The following TRRAP variants were observed in gnomAD, a reference collection of about 807,000 sequenced individuals.
The protein encoded by TRRAP is transformation/transcription domain associated protein.
In TRRAP, 41 loss-of-function variants were observed where a neutral mutation model predicts 438.8. The ratio of observed to expected loss-of-function variants is 0.09; its 90% CI spans 0.07 to 0.12. The LOEUF is 0.12. Ranked by LOEUF, TRRAP falls within the 10% of genes least tolerant of loss-of-function variation. The pLI, the probability that TRRAP is intolerant of heterozygous loss-of-function variation, is 1.00. For synonymous variants in TRRAP, 1,994 were observed against 1,962.9 expected (o/e 1.02, Z -0.42); for missense variants, 3,122 against 5,055.1 (o/e 0.62, Z 11.60).
chr7:98,929,359 CTTAT>C (rs1417725570), intron 23 of TRRAP, among the ~76,000 whole-genome samples: 1 of 152,120 alleles, frequency 6.6e-6, no homozygotes, highest in African/African-American at 2.4e-5. Context: ...AAGTACTGGG[CTTAT>C]TTAATTGTAA....
chr7:98,913,952 C>G (rs1244902389), intron 18 of TRRAP, among the ~76,000 whole-genome samples: 2 of 152,170 alleles, frequency 1.3e-5, no homozygotes, highest in Non-Finnish European at 2.9e-5. Context: ...TTGGGAAAAT[C>G]TGAAGATGTA....
chr7:99,005,392 A>G lies in TRRAP; in HGVS notation c.10753+44A>G, dbSNP rs1030643869. On this transcript the variant is annotated intron_variant, in intron 69 of 72. Transcript: ENST00000456197. The surrounding 1 kb of genome is among the most constrained non-coding windows in gnomAD (Gnocchi z 5.1). The stretch of plus-strand genomic sequence containing the variant: ...GCTCGCTGGGTACACAGGCAGCTTC[A>G]CAGGTGGGGATGAGAGCCACACCTC... 2 of 1,593,520 alleles carry G rather than the reference A, an allele frequency of 1.3e-6. No individual in the cohort carries two copies. Among genetic ancestry groups the G allele is most frequent in the African/African-American group, 2.7e-5 (2 of 74,490 alleles).
Position 98,930,014 on chromosome 7 carries a change from G to T in TRRAP, c.3201G>T (p.Gln1067His). The part of the protein sequence containing the change: ...QCGPFLLPCY[Q>H]VGSQPSTAMF... ...GCCCTTTCTTGCTGCCTTGCTACCA[G>T]GTGGGCAGCCAGCCCAGCACAGCCA... Residue 1067 changes from glutamine to histidine, a missense_variant, in exon 24 of 73, where the codon CAG becomes CAT. Around this residue, in one of 24 missense-constraint regions of TRRAP, gnomAD observed 54 missense variants for 74.6 expected, o/e 0.72. Coordinates refer to ENST00000456197, the MANE Select transcript of TRRAP (RefSeq NM_001375524.1). 6.2e-7 allele frequency: 1 copy of T among 1,614,174 alleles called. No homozygotes were observed. Among genetic ancestry groups the T allele is most frequent in the Non-Finnish European group, 8.5e-7 (1 of 1,180,038 alleles).
intron 53 of TRRAP, 194 bp from the exon 54 acceptor site, chr7:98,975,955 A>C: frequency 3.0e-6 from 2 of 661,574 alleles, no homozygotes; most frequent in South Asian, 5.2e-5. Flanking sequence ...TTGGCTGCTA[A>C]GTGCACCATG....
rs201044378 is a variant in TRRAP at position 99,011,337 on chromosome 7, T to G, written c.11143-4T>G. On this transcript the variant is annotated splice_region_variant and splice_polypyrimidine_tract_variant and intron_variant, in intron 71 of 72. Coordinates refer to ENST00000456197, the MANE Select transcript of TRRAP (RefSeq NM_001375524.1). The surrounding 1 kb of genome is among the most constrained non-coding windows in gnomAD (Gnocchi z 7.1). ...TTCCTAAAGTGTCTCCTTCTGAAAT[T>G]TAGGACACTGGCAAACTGAATGTTG... 1.9e-6 allele frequency: 3 copies of G among 1,613,710 alleles called. No homozygotes were observed.
At chr7:98,983,152 A>G in intron 59 of TRRAP, 112 bp from the exon 60 acceptor site, 1 of 1,023,150 alleles carries the variant, frequency 9.8e-7, no homozygotes. Context: ...TCCTTTGGTA[A>G]TTGCATCATA....
At chr7:98,970,337 GCCCCACA>G in intron 52 of TRRAP, 46 bp downstream of exon 52, 1 of 1,592,820 alleles carries the variant, frequency 6.3e-7, no homozygotes. Flanking sequence ...AGGAGGTGAG[GCCCCACA>G]CCCCACGGGC....
chr7:98,977,428 G>T (rs1175428547), intron 56 of TRRAP, among the ~76,000 whole-genome samples: 1 of 152,172 alleles, frequency 6.6e-6, no homozygotes, highest in African/African-American at 2.4e-5. Context: ...CAAAGTGCTA[G>T]GATTACAGGT....
rs1204516015 is a variant in TRRAP at position 98,976,275 on chromosome 7, G to A, written c.7959+7G>A. On this transcript the variant is annotated splice_region_variant and intron_variant, in intron 54 of 72. Coordinates refer to ENST00000456197, the MANE Select transcript of TRRAP (RefSeq NM_001375524.1). This position sits in a 1 kb window ranked among gnomAD's most constrained non-coding sequence, Gnocchi z 4.6. ...CTCTGACAGACAGCAGCATGTGAGT[G>A]TATCTTTAAAATCCTGTTTTGGAAA... 2.5e-6 allele frequency: 4 copies of A among 1,613,630 alleles called. No individual in the cohort carries two copies. The South Asian group carries it at 3.3e-5, about 13-fold the overall frequency.
At chr7:98,919,658 A>C (rs1789692779) in intron 20 of TRRAP, among the ~76,000 whole-genome samples, 1 of 152,206 alleles carries the variant, frequency 6.6e-6, no homozygotes, top group African/African-American at 2.4e-5. Context: ...CCTGCTGGTC[A>C]CCTGGAGGAT....
intron 35 of TRRAP, 60 bp from the exon 36 acceptor site, chr7:98,949,354 ATCC>A: frequency 1.4e-6 from 2 of 1,421,074 alleles, no homozygotes; most frequent in South Asian, 3.6e-5. Flanking sequence ...TAACATTCAT[ATCC>A]TCTAACTTTC....
At position 98,956,669 on chromosome 7, in the gene TRRAP, TTG is replaced by T; in HGVS notation, c.6231+137_6231+138del. On this transcript the variant is annotated intron_variant, in intron 43 of 72. Transcript: ENST00000456197. The surrounding 1 kb of genome is among the most constrained non-coding windows in gnomAD (Gnocchi z 4.5). ...GCTGGGAACAGCCACGGTCACCAGATTGAAACTCCAGGACATGTCACTCATGC... is the reference window on the plus strand; with the variant it reads ...GCTGGGAACAGCCACGGTCACCAGATAAACTCCAGGACATGTCACTCATGC... The T allele has an allele frequency of 5.0e-6, 7 of 1,414,074 alleles. No individual in the cohort carries two copies. Among genetic ancestry groups the T allele is most frequent in the Non-Finnish European group, 6.6e-6 (7 of 1,061,022 alleles). The allele number at this position is 1,414,074 out of a possible 1,614,324, so 87.6% of individuals were successfully genotyped here.
chr7:98,933,801 A>T (rs1790433870), intron 27 of TRRAP, among the ~76,000 whole-genome samples: 1 of 149,852 alleles, frequency 6.7e-6, no homozygotes, highest in South Asian at 2.1e-4. Context: ...TGTTGAGAAC[A>T]TCACACAAGT....
intron 3 of TRRAP, among the ~76,000 whole-genome samples, chr7:98,884,054 G>A (rs1562923682): frequency 6.6e-6 from 1 of 152,110 alleles, no homozygotes; most frequent in Non-Finnish European, 1.5e-5. Flanking sequence ...CTCATCAGAG[G>A]TTGATTTTAG....
intron 12 of TRRAP, 111 bp downstream of exon 12, chr7:98,903,628 C>T (rs1046351359): frequency 4.8e-6 from 7 of 1,454,566 alleles, no homozygotes; most frequent in East Asian, 2.3e-5. Flanking sequence ...ATCCTTGCTT[C>T]CTTCATTGCT....
rs572587824 is a variant in TRRAP, at chr7:99,011,840, C to T, written c.11338-231C>T. 6.6e-6 allele frequency among the ~76,000 whole-genome samples: 1 copy of T among 152,360 alleles called. No individual in the cohort carries two copies. The highest frequency in any genetic ancestry group is 6.5e-5 in the Admixed American group (1 of 15,306). On this transcript the variant is annotated intron_variant, in intron 72 of 72. Transcript: ENST00000456197. The surrounding 1 kb of genome is among the most constrained non-coding windows in gnomAD (Gnocchi z 7.1). ...GCTGCCTTTGTCATCTAGGTCCGCG[C>T]TGCCCAACACTGAGGCCTTCTGGCT...
intron 5 of TRRAP, among the ~76,000 whole-genome samples, chr7:98,893,197 G>A (rs1453182322): frequency 1.3e-5 from 2 of 152,078 alleles, no homozygotes; most frequent in African/African-American, 4.8e-5. Context: ...TGATCCACCC[G>A]CTTTGGCCTC....
chr7:98,890,021 C>G (rs1381781180), intron 3 of TRRAP, among the ~76,000 whole-genome samples: 1 of 152,120 alleles, frequency 6.6e-6, no homozygotes, highest in East Asian at 1.9e-4. Flanking sequence ...GACCTAGAAG[C>G]TAAATAACTT....
rs1302372338 is a variant in TRRAP at position 98,891,599 on chromosome 7, A to G, written c.262-825A>G. Among the ~76,000 whole-genome samples the G allele has an allele frequency of 2.8e-4, 40 of 142,764 alleles. 1 individual carries two copies. Among genetic ancestry groups the G allele is most frequent in the African/African-American group, 7.9e-4 (30 of 37,818 alleles). 93.7% of individuals were successfully genotyped at this position (142,764 alleles called of 152,430 possible). Reference sequence around the variant, plus strand: ...TTCCCAGGCTGAAGTGCAGTGGCGCAGTCTCGGCTCACTGCGAGCTCCGCC... The same window carrying G: ...TTCCCAGGCTGAAGTGCAGTGGCGCGGTCTCGGCTCACTGCGAGCTCCGCC... On this transcript the variant is annotated intron_variant, in intron 4 of 72. Transcript: ENST00000456197.
Sources: allele counts gnomAD v4.1 joint callset (sites outside exome capture counted in the v4.1 genomes callset), GRCh38; gene constraint gnomAD v4.1.1; regional missense constraint gnomAD v4.1.1; non-coding constraint Gnocchi (gnomAD v3.1); transcripts MANE v1.5; gene names NCBI Gene and HGNC (gene_info 2026-07-23, HGNC 2026-07-21).